The following TRANK1 variants were observed in gnomAD, a reference collection of about 807,000 sequenced individuals.
TRANK1 encodes TPR and ankyrin repeat-containing protein 1.
A neutral mutation model predicts 266.0 loss-of-function variants in TRANK1; 198 were observed. The ratio of observed to expected loss-of-function variants is 0.74; its 90% confidence interval spans 0.66 to 0.84. TRANK1 has a LOEUF of 0.84. Among genes scored for constraint, TRANK1 ranks in the 40% least tolerant of loss-of-function variants. The probability of loss-of-function intolerance (pLI) is 0.00; values close to 1 mark genes in which losing one functional copy is unlikely to be tolerated. For missense variants in TRANK1, 3,326 were observed against 3,634.6 expected, an observed-to-expected ratio of 0.92 and a Z score of 2.18; for synonymous variants, 1,396 against 1,384.1, an observed-to-expected ratio of 1.01 and a Z score of -0.19.
Position 36,892,862 on chromosome 3 carries a change from T to G in TRANK1, c.636+39A>C, listed in dbSNP as rs7643908. ...CAAAACAAAACAAAACATATATATA[T>G]ATATATATAGATATATATAGATATA... On this transcript the variant is annotated intron_variant, in intron 6 of 23. Coordinates refer to ENST00000645898, the MANE Select transcript of TRANK1 (RefSeq NM_001329998.2). The G allele has an allele frequency of 4.7e-4, 345 of 739,960 alleles. 6 individuals are homozygous for G. The highest frequency in any genetic ancestry group is 4.5e-3 in the African/African-American group (226 of 50,244). The allele number at this position is 739,960 out of a possible 1,614,324, so 45.8% of individuals were successfully genotyped here.
intron 17 of TRANK1, among the ~76,000 whole-genome samples, chr3:36,844,215 G>GTTTGTTT (rs561296802): frequency 3.9e-5 from 6 of 151,952 alleles, no homozygotes; most frequent in African/African-American, 1.2e-4. Flanking sequence ...TGGTTTTTTA[G>GTTTGTTT]TTTGTTTTTT....
intron 7 of TRANK1, 114 bp downstream of exon 7, chr3:36,892,088 A>T (rs1256435368): frequency 8.1e-7 from 1 of 1,241,342 alleles, no homozygotes. Context: ...TCATTTGAAT[A>T]TTCAAATGGT....
rs1352750859 is a variant in TRANK1, at chr3:36,838,597, A to T, written c.5384+16T>A. The T allele has an allele frequency of 6.2e-7, 1 of 1,613,934 alleles. No homozygotes were observed. Among genetic ancestry groups the T allele is most frequent in the Admixed American group, 1.7e-5 (1 of 60,020 alleles). ...CTCCCATCGGAGCAAACCAGAAGTG[A>T]TCCCAAGACTCTTACTTGGGGCTGA... On this transcript the variant is annotated intron_variant, in intron 19 of 23. Transcript: ENST00000645898.
At chr3:36,839,849 G>A (rs1446737464) in intron 18 of TRANK1, among the ~76,000 whole-genome samples, 2 of 152,178 alleles carry the variant, frequency 1.3e-5, no homozygotes, top group Non-Finnish European at 2.9e-5. Flanking sequence ...AAGAAAAGGG[G>A]CATTCTAAAA....
At chr3:36,846,613 T>C (rs1345695169) in intron 16 of TRANK1, among the ~76,000 whole-genome samples, 1 of 152,234 alleles carries the variant, frequency 6.6e-6, no homozygotes, top group Non-Finnish European at 1.5e-5. Context: ...ACTCCACCTC[T>C]TTCCCACCTA....
chr3:36,877,643 G>T (rs2079408576), intron 8 of TRANK1, among the ~76,000 whole-genome samples: 1 of 152,202 alleles, frequency 6.6e-6, no homozygotes. Context: ...ACATTGTTCA[G>T]TGAAGAAAGC....
chr3:36,846,451 C>T (rs1464696789), intron 16 of TRANK1, 47 bp from the exon 17 acceptor site: 1 of 1,568,450 alleles, frequency 6.4e-7, no homozygotes, highest in Non-Finnish European at 8.7e-7. Flanking sequence ...TTGTCTATAG[C>T]TACAAAGTGA....
At position 36,832,417 on chromosome 3, in the gene TRANK1, A is replaced by G; in HGVS notation, c.7166T>C (p.Met2389Thr). The G allele has an allele frequency of 7.4e-6, 12 of 1,614,010 alleles. No individual in the cohort carries two copies. Among genetic ancestry groups the G allele is most frequent in the Non-Finnish European group, 1.0e-5 (12 of 1,179,886 alleles). ...RIKGIEGKFG[M>T]LAPNRDDENM... is the part of the protein sequence containing the mutation. ...TTCATCATCCCTGTTGGGTGCCAGC[A>G]TGCCAAATTTCCCTTCTATTCCTTT... The change falls in exon 22 of 24, where the codon ATG becomes ACG. Residue 2389 changes from methionine (M) to threonine (T), a missense_variant. Physicochemically the swap from Met to Thr is moderately conservative, Grantham distance 81 (BLOSUM62 -1). Transcript: ENST00000645898.
rs1407072976 is a variant in TRANK1 at position 36,879,870 on chromosome 3, A to C, written c.908-5574T>G. 1.9e-5 allele frequency among the ~76,000 whole-genome samples: 2 copies of C among 106,194 alleles called. 1 individual carries two copies. The highest frequency in any genetic ancestry group is 8.8e-5 in the African/African-American group (2 of 22,642). The allele number at this position is 106,194 out of a possible 152,430, so 69.7% of individuals were successfully genotyped here. A position where few individuals can be genotyped will look rare whatever the true frequency, so the allele number is the denominator to read the frequency against. ...TATGTAAATATACAAATATATGTAA[A>C]CATACAAATATATGTAAACATGCAA... On this transcript the variant is annotated intron_variant, in intron 8 of 23. Coordinates refer to ENST00000645898, the MANE Select transcript of TRANK1 (RefSeq NM_001329998.2).
intron 1 of TRANK1, among the ~76,000 whole-genome samples, chr3:36,915,680 C>A (rs1352071040): frequency 1.3e-5 from 2 of 152,122 alleles, no homozygotes. Flanking sequence ...CATCAATAAT[C>A]ACACAAATAT....
At chr3:36,923,552 G>A (rs2080246862) in intron 1 of TRANK1, among the ~76,000 whole-genome samples, 1 of 152,064 alleles carries the variant, frequency 6.6e-6, no homozygotes, top group South Asian at 2.1e-4. Context: ...CACCGCGCCT[G>A]GCCTTGGTAA....
intron 1 of TRANK1, among the ~76,000 whole-genome samples, chr3:36,943,076 C>T (rs1196538779): frequency 1.3e-5 from 2 of 151,686 alleles, no homozygotes; most frequent in Non-Finnish European, 2.9e-5. Flanking sequence ...CCCGTAATCC[C>T]AGCTATTTCG....
chr3:36,936,155 T>A (rs1033688263), intron 1 of TRANK1, among the ~76,000 whole-genome samples: 2 of 152,144 alleles, frequency 1.3e-5, no homozygotes, highest in Non-Finnish European at 2.9e-5. Flanking sequence ...ATTCCTAGCT[T>A]TTTGGAACTG....
rs775271661 is a variant in TRANK1 at position 36,855,990 on chromosome 3, GACAA to G, written c.3728_3731del (p.Phe1243SerfsTer20). ...GCAGAAGAAGCAGCTGCTTGGAAGT[GACAA>G]ACAGAGGAAAGTTCTCGTCCCTCAG... On this transcript the variant is annotated frameshift_variant, in exon 13 of 24. Coordinates refer to ENST00000645898, the MANE Select transcript of TRANK1 (RefSeq NM_001329998.2). LOFTEE classifies it high-confidence loss of function. 7 of 1,613,580 alleles carry G rather than the reference GACAA, an allele frequency of 4.3e-6. No homozygotes were observed. The highest frequency in any genetic ancestry group is 1.7e-5 in the Admixed American group (1 of 59,950).
chr3:36,903,182 C>T lies in TRANK1; in HGVS notation c.249G>A (p.Lys83=), dbSNP rs1370740632. 1.4e-5 allele frequency: 22 copies of T among 1,537,218 alleles called. No homozygotes were observed. The highest frequency in any genetic ancestry group is 2.4e-5 in the East Asian group (1 of 40,936). ...GKWNEAFVAA[K]ECLQWDPTYV... Reference sequence around the variant, plus strand: ...AGGTTGGATCCCATTGGAGACATTCCTTGGCAGCAACAAATGCCTCATTCC... The same window carrying T: ...AGGTTGGATCCCATTGGAGACATTCTTTGGCAGCAACAAATGCCTCATTCC... Residue 83 remains lysine, a synonymous_variant, in exon 3 of 24, where the codon AAG becomes AAA. Coordinates refer to ENST00000645898, the MANE Select transcript of TRANK1 (RefSeq NM_001329998.2).
chr3:36,890,056 A>C (rs953695733), intron 7 of TRANK1, 96 bp from the exon 8 acceptor site: 1 of 1,463,920 alleles, frequency 6.8e-7, no homozygotes, highest in Non-Finnish European at 9.1e-7. Flanking sequence ...AGAAAGAAAG[A>C]AAATCAGCAA....
At position 36,833,556 on chromosome 3, in the gene TRANK1, G is replaced by A. The variant is rs1422776423; in HGVS notation, c.6027C>T (p.Thr2009=). 6.2e-7 allele frequency: 1 copy of A among 1,613,926 alleles called. No individual in the cohort carries two copies. The highest frequency in any genetic ancestry group is 1.7e-5 in the Admixed American group (1 of 60,024). ...CAAGTGCTTCTCTCAGAATGTCCTT[G>A]GTGTGTTCTATGTCGGAATCCCTGG... The part of the protein sequence containing the change: ...NVARDSDIEH[T]KDILREALDI... The change falls in exon 22 of 24, where the codon ACC becomes ACT. Residue 2009 remains threonine (T), a synonymous_variant. Coordinates refer to ENST00000645898, the MANE Select transcript of TRANK1 (RefSeq NM_001329998.2).
At chr3:36,900,600 G>T (rs2079860123) in intron 3 of TRANK1, among the ~76,000 whole-genome samples, 1 of 152,000 alleles carries the variant, frequency 6.6e-6, no homozygotes, top group African/African-American at 2.4e-5. Flanking sequence ...AGAAAGCCGG[G>T]TGTAGTGACT....
intron 18 of TRANK1, 34 bp from the exon 19 acceptor site, chr3:36,838,750 G>C (rs2078804271): frequency 1.9e-6 from 3 of 1,585,384 alleles, no homozygotes; most frequent in Non-Finnish European, 1.7e-6. Context: ...TCCCAGCAAG[G>C]TAATGGAGGT....
Sources: gnomAD v4.1 joint callset for allele counts (sites outside exome capture counted in the v4.1 genomes callset) on GRCh38, gnomAD v4.1.1 for gene constraint, MANE v1.5 for transcripts, NCBI Gene and HGNC (gene_info 2026-07-23, HGNC 2026-07-21) for gene names.